The following HDAC4 variants were observed in gnomAD, a reference collection of about 807,000 sequenced individuals.
HDAC4 encodes the protein histone deacetylase 4.
A neutral mutation model predicts 135.1 loss-of-function variants in HDAC4; 16 were observed. The ratio of observed to expected loss-of-function variants is 0.12; its 90% CI spans 0.08 to 0.18. HDAC4 has a LOEUF of 0.18. HDAC4 is among the 10% of genes least tolerant of loss of function. The pLI, the probability that HDAC4 is intolerant of heterozygous loss-of-function variation, is 1.00. For synonymous variants in HDAC4, 685 were observed against 653.4 expected (o/e 1.05, Z -0.74); for missense variants, 1,143 against 1,511.8 (o/e 0.76, Z 4.05).
intron 25 of HDAC4, 49 bp from the exon 26 acceptor site, chr2:239,053,650 G>GA: frequency 6.4e-7 from 1 of 1,573,294 alleles, no homozygotes; most frequent in Non-Finnish European, 8.7e-7. Context: ...AACTTAGCAG[G>GA]ATGCACTGAG....
intron 2 of HDAC4, among the ~76,000 whole-genome samples, chr2:239,344,652 G>A (rs572599316): frequency 1.3e-5 from 2 of 152,274 alleles, no homozygotes; most frequent in African/African-American, 4.8e-5. Context: ...GTGACAATCT[G>A]AGAGCTGCAG....
chr2:239,090,430 CCTTTTT>C (rs1559406693), intron 17 of HDAC4, among the ~76,000 whole-genome samples: 3 of 128,258 alleles, frequency 2.3e-5, no homozygotes, highest in East Asian at 2.2e-4. Context: ...TGATCTATTT[CCTTTTT>C]TTTTTTTTTT....
At chr2:239,281,415 TACAC>T (rs556526765) in intron 2 of HDAC4, among the ~76,000 whole-genome samples, 24 of 144,720 alleles carry the variant, frequency 1.7e-4, no homozygotes, top group Non-Finnish European at 2.3e-4. Flanking sequence ...CCCACCACTC[TACAC>T]ACAATGTATA....
intron 2 of HDAC4, among the ~76,000 whole-genome samples, chr2:239,277,387 A>C (rs2050431635): frequency 6.6e-6 from 1 of 152,220 alleles, no homozygotes; most frequent in Admixed American, 6.5e-5. Flanking sequence ...GGGAAACGAC[A>C]GGGAAGCCCA....
intron 12 of HDAC4, among the ~76,000 whole-genome samples, chr2:239,121,852 TCTCC>T (rs1219423874): frequency 6.6e-6 from 1 of 152,142 alleles, no homozygotes; most frequent in Admixed American, 6.5e-5. Flanking sequence ...TCTCTCTCTC[TCTCC>T]TTTGACATTC....
intron 3 of HDAC4, among the ~76,000 whole-genome samples, chr2:239,201,359 C>T (rs1244575836): frequency 6.6e-6 from 1 of 152,168 alleles, no homozygotes; most frequent in African/African-American, 2.4e-5. Flanking sequence ...GCCGTAGAGA[C>T]CCAAGCATCC....
At chr2:239,100,455 C>T (rs11693183) in intron 16 of HDAC4, among the ~76,000 whole-genome samples, 44,467 of 152,152 alleles carry the variant, frequency 0.29, 6,708 homozygotes, top group Non-Finnish European at 0.33. Flanking sequence ...GTCCACGTTA[C>T]GTGGATGTGG....
At chr2:239,223,292 C>T (rs575692901) in intron 3 of HDAC4, among the ~76,000 whole-genome samples, 3 of 152,178 alleles carry the variant, frequency 2.0e-5, no homozygotes, top group Non-Finnish European at 4.4e-5. Flanking sequence ...GCACCAAGGA[C>T]GAGGCCTGAA....
At chr2:239,214,350 A>T (rs894696747) in intron 3 of HDAC4, among the ~76,000 whole-genome samples, 1 of 152,190 alleles carries the variant, frequency 6.6e-6, no homozygotes, top group Non-Finnish European at 1.5e-5. Flanking sequence ...TTCCTTAAAG[A>T]ACCCTCGTGA....
At chr2:239,221,639 CA>C (rs2046965594) in intron 3 of HDAC4, among the ~76,000 whole-genome samples, 1 of 87,474 alleles carries the variant, frequency 1.1e-5, no homozygotes, top group Admixed American at 1.1e-4. Context: ...CACACACACA[CA>C]CACACACACA....
At chr2:239,386,304 T>A (rs1051234852) in intron 1 of HDAC4, among the ~76,000 whole-genome samples, 1 of 151,778 alleles carries the variant, frequency 6.6e-6, no homozygotes, top group Non-Finnish European at 1.5e-5. Flanking sequence ...ATTAGAGGCA[T>A]CCTCAGTTTC....
intron 9 of HDAC4, among the ~76,000 whole-genome samples, chr2:239,136,865 G>A (rs1040822980): frequency 3.3e-5 from 5 of 152,096 alleles, no homozygotes; most frequent in East Asian, 3.9e-4. Context: ...GCAAACTCAC[G>A]GCGCACCTCG....
intron 20 of HDAC4, among the ~76,000 whole-genome samples, chr2:239,083,331 G>C (rs1229598644): frequency 2.6e-5 from 4 of 152,220 alleles, no homozygotes; most frequent in African/African-American, 9.6e-5. Flanking sequence ...AGCTGAGGGA[G>C]GGCTCCCGGC....
rs3752755 is a variant in HDAC4, at chr2:239,082,549, C to T, written c.2533-328G>A. Reference sequence around the variant, plus strand: ...GGCCTAGAGGCCACCATTTCCCAGACGAAGCCATCTGATCAATTTCCTACA... The same window carrying T: ...GGCCTAGAGGCCACCATTTCCCAGATGAAGCCATCTGATCAATTTCCTACA... On this transcript the variant is annotated intron_variant, in intron 20 of 26. Coordinates refer to ENST00000543185, the MANE Select transcript of HDAC4 (RefSeq NM_001378414.1). Among the ~76,000 whole-genome samples the T allele has an allele frequency of 0.3, 46,104 of 152,176 alleles. 7,366 individuals carry two copies. Among genetic ancestry groups the T allele is most frequent in the South Asian group, 0.43 (2,056 of 4,828 alleles).
At chr2:239,234,992 G>A (rs1367935797) in intron 3 of HDAC4, among the ~76,000 whole-genome samples, 6 of 152,064 alleles carry the variant, frequency 3.9e-5, no homozygotes, top group African/African-American at 7.2e-5. Context: ...AAACAACACC[G>A]GCAAAGTGAA....
At chr2:239,320,841 A>G (rs1235196503) in intron 2 of HDAC4, among the ~76,000 whole-genome samples, 1 of 152,218 alleles carries the variant, frequency 6.6e-6, no homozygotes, top group African/African-American at 2.4e-5. Context: ...TTTGCTTTCA[A>G]ATGATCCCCA....
chr2:239,387,774 G>C (rs972834619), intron 1 of HDAC4, among the ~76,000 whole-genome samples: 2 of 152,114 alleles, frequency 1.3e-5, no homozygotes, highest in African/African-American at 4.8e-5. Context: ...AGCCTAAAAA[G>C]CCGAGCTCCT....
chr2:239,359,958 C>T (rs932520367), intron 1 of HDAC4, among the ~76,000 whole-genome samples: 39 of 152,164 alleles, frequency 2.6e-4, no homozygotes, highest in African/African-American at 8.9e-4. Flanking sequence ...TTTTACAGAG[C>T]AGGCATGCTA....
chr2:239,260,463 C>A (rs2049293095), intron 2 of HDAC4, among the ~76,000 whole-genome samples: 1 of 152,134 alleles, frequency 6.6e-6, no homozygotes, highest in African/African-American at 2.4e-5. Context: ...TGTTTATTGT[C>A]CAATAAACAT....
Sources: gnomAD v4.1 joint callset for allele counts (sites outside exome capture counted in the v4.1 genomes callset) on GRCh38, gnomAD v4.1.1 for gene constraint, MANE v1.5 for transcripts, NCBI Gene and HGNC (gene_info 2026-07-23, HGNC 2026-07-21) for gene names.